The following ASB4 variants were observed in gnomAD, a reference collection of about 807,000 sequenced individuals.
The protein encoded by ASB4 is ankyrin repeat and SOCS box protein 4.
In ASB4, 35 loss-of-function variants were observed where a neutral mutation model predicts 38.6. The ratio of observed to expected loss-of-function variants is 0.91; its 90% CI spans 0.69 to 1.20. The LOEUF is 1.20. Ranked by LOEUF, ASB4 falls within the 50% of genes most tolerant of loss-of-function variation. The pLI is 0.00. For synonymous variants in ASB4, 195 were observed against 201.3 expected, an observed-to-expected ratio of 0.97 and a Z score of 0.26; for missense variants, 557 against 527.2, an observed-to-expected ratio of 1.06 and a Z score of -0.55.
chr7:95,492,677 T>C (rs1190885227), intron 1 of ASB4, among the ~76,000 whole-genome samples: 4 of 152,204 alleles, frequency 2.6e-5, no homozygotes, highest in East Asian at 1.9e-4. Flanking sequence ...TTTCTTCCCA[T>C]TGCAGAAGCA....
chr7:95,535,052 T>TCA lies in ASB4; in HGVS notation c.979-1372_979-1371dup, dbSNP rs1217216872. On this transcript the variant is annotated intron_variant, in intron 3 of 4. Coordinates refer to ENST00000325885, the MANE Select transcript of ASB4 (RefSeq NM_016116.3). ...TGTCAACACACACAGACACACTCAC[T>TCA]CACACACACACACATGCACATGCAC... Among the ~76,000 whole-genome samples the TCA allele has an allele frequency of 2.5e-3, 385 of 151,010 alleles. 4 individuals are homozygous for TCA. The highest frequency in any genetic ancestry group is 8.3e-3 in the African/African-American group (343 of 41,280).
rs549597856 is a variant in ASB4 at position 95,521,225 on chromosome 7, G to A, written c.488-6588G>A. Among the ~76,000 whole-genome samples the A allele has an allele frequency of 3.3e-5, 5 of 151,772 alleles. No individual in the cohort carries two copies. The East Asian group carries it at 5.8e-4, about 18-fold the overall frequency. ...ATACATAAAGAAATGTTTCCTTTTT[G>A]AATATGACCTTTATTATGAAAAATA... is the stretch of plus-strand genomic sequence containing the variant. On this transcript the variant is annotated intron_variant, in intron 2 of 4. Transcript: ENST00000325885.
intron 1 of ASB4, among the ~76,000 whole-genome samples, chr7:95,495,256 ATAT>A (rs1790228451): frequency 6.6e-6 from 1 of 152,214 alleles, no homozygotes; most frequent in Admixed American, 6.5e-5. Flanking sequence ...AAGATTAAAT[ATAT>A]TCATATGTTG....
intron 2 of ASB4, among the ~76,000 whole-genome samples, chr7:95,507,480 A>G (rs751123866): frequency 3.3e-5 from 5 of 152,062 alleles, no homozygotes; most frequent in Non-Finnish European, 7.4e-5. Flanking sequence ...ATTAGGTCCC[A>G]ATGCTATGTT....
At chr7:95,517,550 A>G (rs1220493545) in intron 2 of ASB4, among the ~76,000 whole-genome samples, 1 of 152,138 alleles carries the variant, frequency 6.6e-6, no homozygotes, top group Non-Finnish European at 1.5e-5. Context: ...CAGAAAAATC[A>G]TCACAGACTT....
chr7:95,545,134 A>G (rs2116670256), downstream of ASB4, among the ~76,000 whole-genome samples: 1 of 152,182 alleles, frequency 6.6e-6, no homozygotes, highest in East Asian at 1.9e-4. Context: ...TGTTTTGTTA[A>G]GGGTTCATTG....
In ASB4 at chr7:95,485,978, G is replaced by A. The variant is rs1351518421; in HGVS notation, c.7G>A (p.Gly3Ser). Residue 3 changes from glycine (G) to serine (S), a missense_variant, in exon 1 of 5, where the codon GGC (glycine) becomes AGC (serine). Physicochemically the swap from Gly to Ser is moderately conservative, Grantham distance 56. Coordinates refer to ENST00000325885, the MANE Select transcript of ASB4 (RefSeq NM_016116.3). Reference sequence around the variant, plus strand: ...TTCCAGAGGGAGAGGAAGGATGGACGGCACCACTGCCCCTGTCACTAAATC... The same window carrying A: ...TTCCAGAGGGAGAGGAAGGATGGACAGCACCACTGCCCCTGTCACTAAATC... MD[G>S]TTAPVTKSGA... The A allele has an allele frequency of 9.3e-6, 15 of 1,613,410 alleles. No homozygotes were observed. Among genetic ancestry groups the A allele is most frequent in the Non-Finnish European group, 1.2e-5 (14 of 1,179,574 alleles).
chr7:95,502,860 A>G (rs1339099421), intron 2 of ASB4, among the ~76,000 whole-genome samples: 1 of 152,172 alleles, frequency 6.6e-6, no homozygotes, highest in Non-Finnish European at 1.5e-5. Flanking sequence ...AAATTGCTTG[A>G]TTCCTATTTG....
intron 2 of ASB4, among the ~76,000 whole-genome samples, chr7:95,521,687 A>T (rs534389070): frequency 3.3e-3 from 45 of 13,656 alleles, no homozygotes; most frequent in African/African-American, 9.8e-3. Flanking sequence ...AGTTGAAATT[A>T]AAAAAAAAAA....
chr7:95,490,168 A>C (rs1001315782), intron 1 of ASB4, among the ~76,000 whole-genome samples: 1 of 152,152 alleles, frequency 6.6e-6, no homozygotes, highest in Non-Finnish European at 1.5e-5. Context: ...CACTTAAAAA[A>C]CTTTCTGGCA....
chr7:95,545,140 C>T (rs973093671), downstream of ASB4, among the ~76,000 whole-genome samples: 1 of 151,864 alleles, frequency 6.6e-6, no homozygotes, highest in South Asian at 2.1e-4. Context: ...GTTAAGGGTT[C>T]ATTGCTCCTG....
intron 1 of ASB4, 84 bp downstream of exon 1, chr7:95,486,242 A>G: frequency 9.5e-7 from 1 of 1,052,242 alleles, no homozygotes. Flanking sequence ...TCTAAACAGT[A>G]GTTTTTATTG....
intron 2 of ASB4, among the ~76,000 whole-genome samples, chr7:95,504,050 G>A (rs1405656623): frequency 1.3e-5 from 2 of 152,110 alleles, no homozygotes; most frequent in Non-Finnish European, 2.9e-5. Flanking sequence ...TTACCCTGCT[G>A]AAAAACCTCC....
At chr7:95,547,433 T>C in the ASB4 span, among the ~76,000 whole-genome samples, 10 of 152,248 alleles carry the variant, frequency 6.6e-5, no homozygotes, top group African/African-American at 2.2e-4. Flanking sequence ...CGTAACATAA[T>C]ATTTTGGAGA....
At chr7:95,477,920 A>C (rs906976768), upstream of ASB4, among the ~76,000 whole-genome samples, 8 of 143,422 alleles carry the variant, frequency 5.6e-5, no homozygotes, top group Admixed American at 4.9e-4. Flanking sequence ...TTTGTTGTGC[A>C]ATTTTTTTTT....
intron 1 of ASB4, among the ~76,000 whole-genome samples, chr7:95,494,903 C>T (rs1245544599): frequency 6.6e-6 from 1 of 152,162 alleles, no homozygotes; most frequent in African/African-American, 2.4e-5. Context: ...GTTCTAGGCA[C>T]ATCTATGCTT....
downstream of ASB4, among the ~76,000 whole-genome samples, chr7:95,541,529 G>C (rs7803844): frequency 0.13 from 20,404 of 152,106 alleles, 1,473 homozygotes; most frequent in African/African-American, 0.15. Context: ...GGGAATCCAC[G>C]GGGGAACAAG....
intron 3 of ASB4, 62 bp downstream of exon 3, chr7:95,528,365 T>C (rs1455186848): frequency 6.2e-7 from 1 of 1,606,790 alleles, no homozygotes; most frequent in African/African-American, 1.3e-5. Context: ...TTGTCTGAAA[T>C]CTCCAAGTAA....
At chr7:95,499,632 G>A (rs1312058022) in intron 2 of ASB4, among the ~76,000 whole-genome samples, 3 of 152,076 alleles carry the variant, frequency 2.0e-5, no homozygotes, top group Admixed American at 2.0e-4. Flanking sequence ...GTAAACAATT[G>A]GTAAAAAGAA....
Sources: allele counts gnomAD v4.1 joint callset (sites outside exome capture counted in the v4.1 genomes callset), GRCh38; gene constraint gnomAD v4.1.1; transcripts MANE v1.5; gene names NCBI Gene and HGNC (gene_info 2026-07-23, HGNC 2026-07-21).